Variants in RNF169 observed in about 807,000 individuals in gnomAD.
RNF169 encodes the protein E3 ubiquitin-protein ligase RNF169.
In RNF169, 24 loss-of-function variants were observed where a neutral mutation model predicts 53.9. The ratio of observed to expected loss-of-function variants is 0.45; its 90% confidence interval spans 0.32 to 0.63. The LOEUF is 0.63. Among genes scored for constraint, RNF169 ranks in the 20% least tolerant of loss-of-function variants. The pLI is 0.04. For synonymous variants in RNF169, 396 were observed against 363.5 expected, an observed-to-expected ratio of 1.09 and a Z score of -1.02; for missense variants, 883 against 906.2, an observed-to-expected ratio of 0.97 and a Z score of 0.33.
intron 2 of RNF169, among the ~76,000 whole-genome samples, chr11:74,795,191 T>G (rs201068423): frequency 6.8e-6 from 1 of 146,632 alleles, no homozygotes. Context: ...GGTGGGGGGG[T>G]GGTGTGTATG....
At chr11:74,826,855 G>T (rs1483212252) in intron 4 of RNF169, among the ~76,000 whole-genome samples, 1 of 152,244 alleles carries the variant, frequency 6.6e-6, no homozygotes, top group African/African-American at 2.4e-5. Context: ...AGGGCCTTGA[G>T]CAGCTCTGCC....
At chr11:74,789,832 A>T in intron 2 of RNF169, 133 bp downstream of exon 2, 1 of 492,054 alleles carries the variant, frequency 2.0e-6, no homozygotes, top group Non-Finnish European at 3.6e-6. Context: ...GCCTTATACC[A>T]GCCTAGTTAG....
At chr11:74,815,010 C>T (rs1386347870) in intron 3 of RNF169, among the ~76,000 whole-genome samples, 1 of 152,198 alleles carries the variant, frequency 6.6e-6, no homozygotes, top group Non-Finnish European at 1.5e-5. Context: ...AATTTCCTCA[C>T]ATCTTGCCAA....
In RNF169 at chr11:74,801,051, A is replaced by T. The variant is rs573988650; in HGVS notation, c.577-9133A>T. On this transcript the variant is annotated intron_variant, in intron 2 of 5. Transcript: ENST00000299563. ...AAAATTGGTAAAATATTATTTTTGC[A>T]TAAATATTTAGATACGCTTAATTCT... Among the ~76,000 whole-genome samples the T allele has an allele frequency of 3.3e-5, 5 of 152,370 alleles. No homozygotes were observed. In the East Asian group the frequency reaches 9.6e-4, roughly 29 times the overall value.
At chr11:74,765,886 G>A (rs1026774140) in intron 1 of RNF169, among the ~76,000 whole-genome samples, 1 of 150,358 alleles carries the variant, frequency 6.7e-6, no homozygotes, top group African/African-American at 2.4e-5. Flanking sequence ...AGTAACAGCA[G>A]ATTAACCCCA....
chr11:74,774,590 A>G (rs1273580144), intron 1 of RNF169, among the ~76,000 whole-genome samples: 1 of 152,134 alleles, frequency 6.6e-6, no homozygotes, highest in East Asian at 1.9e-4. Flanking sequence ...TGACTTTATT[A>G]AGAGCAGTTT....
Position 74,835,675 on chromosome 11 carries a change from G to T in RNF169, c.1072G>T (p.Ala358Ser). The T allele has an allele frequency of 6.2e-7, 1 of 1,614,068 alleles. No homozygotes were observed. The highest frequency in any genetic ancestry group is 8.5e-7 in the Non-Finnish European group (1 of 1,180,028). Reference protein sequence around the residue: ...RLPFSSLSSLASLHKPERSVS... With the variant: ...RLPFSSLSSLSSLHKPERSVS... ...ACCCTTCAGCTCCCTTTCATCCTTG[G>T]CTTCCCTGCATAAGCCAGAGCGTTC... The change falls in exon 6 of 6, where the codon GCT becomes TCT. Residue 358 changes from alanine (A) to serine (S), a missense_variant. Physicochemically the swap from Ala to Ser is moderately conservative, Grantham distance 99. Transcript: ENST00000299563.
intron 4 of RNF169, among the ~76,000 whole-genome samples, chr11:74,823,738 GA>G (rs35164191): frequency 0.83 from 87,731 of 105,728 alleles, 36,230 homozygotes; most frequent in East Asian, 0.94. Context: ...CCCTGTCTCA[GA>G]AAAAAAAAAA....
intron 1 of RNF169, among the ~76,000 whole-genome samples, chr11:74,789,124 A>G (rs535039728): frequency 1.1e-4 from 17 of 152,336 alleles, no homozygotes; most frequent in African/African-American, 3.4e-4. Flanking sequence ...GGGTCTAACA[A>G]TTCCGTAGTG....
At chr11:74,786,782 G>A (rs2035510186) in intron 1 of RNF169, among the ~76,000 whole-genome samples, 2 of 152,220 alleles carry the variant, frequency 1.3e-5, no homozygotes, top group African/African-American at 4.8e-5. Flanking sequence ...TTTTACAGAA[G>A]AGGAAGTTGA....
chr11:74,784,902 A>T (rs965120444), intron 1 of RNF169, among the ~76,000 whole-genome samples: 1 of 151,712 alleles, frequency 6.6e-6, no homozygotes, highest in African/African-American at 2.4e-5. Flanking sequence ...TGCTGTGTCA[A>T]CTCTTTGCTG....
intron 4 of RNF169, among the ~76,000 whole-genome samples, chr11:74,825,468 T>G (rs1450497762): frequency 6.6e-6 from 1 of 152,186 alleles, no homozygotes; most frequent in Admixed American, 6.5e-5. Flanking sequence ...ATTGAATCCC[T>G]CAATAGACCA....
Position 74,749,401 on chromosome 11 carries a change from C to G in RNF169, c.502+19C>G. The G allele has an allele frequency of 1.6e-6, 2 of 1,246,108 alleles. No homozygotes were observed. Among genetic ancestry groups the G allele is most frequent in the Non-Finnish European group, 2.0e-6 (2 of 991,070 alleles). 77.2% of individuals were successfully genotyped at this position (1,246,108 alleles called of 1,614,324 possible). A position where few individuals can be genotyped will look rare whatever the true frequency, so the allele number is the denominator to read the frequency against. On this transcript the variant is annotated intron_variant, in intron 1 of 5. Transcript: ENST00000299563. ...GAGCCAGGTGGAGCTTCCCCACTTC[C>G]CCTTAGGGTCTGGAGCGAGGCCGAG...
intron 1 of RNF169, among the ~76,000 whole-genome samples, chr11:74,757,238 A>G (rs1350531451): frequency 1.6e-5 from 2 of 124,976 alleles, no homozygotes; most frequent in African/African-American, 3.2e-5. Context: ...ATGAGTGAGA[A>G]TATGCGGTGT....
chr11:74,823,022 T>C (rs1390504105), intron 4 of RNF169, among the ~76,000 whole-genome samples: 1 of 152,156 alleles, frequency 6.6e-6, no homozygotes, highest in East Asian at 1.9e-4. Context: ...CATTGTCAGG[T>C]TTATTGCTCT....
chr11:74,784,531 G>A (rs140198958), intron 1 of RNF169, among the ~76,000 whole-genome samples: 3,108 of 152,326 alleles, frequency 0.02, 48 homozygotes, highest in Non-Finnish European at 0.027. Context: ...CTCAGTGGAG[G>A]CACACAAGGT....
chr11:74,826,606 CT>C (rs991539052), intron 4 of RNF169, among the ~76,000 whole-genome samples: 23 of 152,192 alleles, frequency 1.5e-4, no homozygotes, highest in Non-Finnish European at 2.5e-4. Flanking sequence ...AGGCAAGTCC[CT>C]GCTGCCTATG....
At chr11:74,774,797 A>G (rs941918099) in intron 1 of RNF169, among the ~76,000 whole-genome samples, 1 of 152,046 alleles carries the variant, frequency 6.6e-6, no homozygotes, top group African/African-American at 2.4e-5. Flanking sequence ...TCTACTAAAA[A>G]ATACAAACAA....
intron 1 of RNF169, among the ~76,000 whole-genome samples, chr11:74,778,776 C>T (rs2035374537): frequency 6.6e-6 from 1 of 152,242 alleles, no homozygotes. Flanking sequence ...TTCCACTGGA[C>T]AGGGGCTCAG....
Sources: gnomAD v4.1 joint callset for allele counts (sites outside exome capture counted in the v4.1 genomes callset) on GRCh38, gnomAD v4.1.1 for gene constraint, MANE v1.5 for transcripts, NCBI Gene and HGNC (gene_info 2026-07-23, HGNC 2026-07-21) for gene names.